PTPRR: variants seen among roughly 807,000 people sequenced by gnomAD.
PTPRR encodes receptor-type tyrosine-protein phosphatase R.
Under a neutral mutation model 77.2 loss-of-function variants are expected in PTPRR, and 38 were observed. That is an observed-to-expected ratio of 0.49 (90% CI 0.38 to 0.65). PTPRR has a LOEUF of 0.65. Ranked by LOEUF, PTPRR falls within the 30% of genes least tolerant of loss-of-function variation. The pLI, the probability that PTPRR is intolerant of heterozygous loss-of-function variation, is 0.00. For missense variants in PTPRR, 744 were observed against 799.2 expected (o/e 0.93, Z 0.83); for synonymous variants, 299 against 283.1 (o/e 1.06, Z -0.57).
At position 70,639,427 on chromosome 12, in the gene PTPRR, C is replaced by G. The variant is rs181491114; in HGVS notation, c.1881-150G>C. ...TTTTGTTATCCCTCTTACCTGTGTC[C>G]AAATGTCTCAACTATCAAAGTTAAC... On this transcript the variant is annotated intron_variant, in intron 13 of 13. Transcript: ENST00000283228. The G allele has an allele frequency of 2.3e-5, 32 of 1,377,006 alleles. No individual in the cohort carries two copies. In the East Asian group the frequency reaches 6.9e-4, roughly 30 times the overall value. The allele number at this position is 1,377,006 out of a possible 1,614,324, so 85.3% of individuals were successfully genotyped here.
chr12:70,646,270 A>C (rs1205727350), intron 13 of PTPRR, among the ~76,000 whole-genome samples: 1 of 152,082 alleles, frequency 6.6e-6, no homozygotes, highest in East Asian at 1.9e-4. Context: ...TGGACAGAGG[A>C]TTTCCCATGG....
rs17814440 is a variant in PTPRR at position 70,705,471 on chromosome 12, G to A, written c.1008-4148C>T. Among the ~76,000 whole-genome samples, 971 of 151,398 alleles carry A rather than the reference G, an allele frequency of 6.4e-3. 7 individuals are homozygous for A. The highest frequency in any genetic ancestry group is 0.011 in the South Asian group (52 of 4,760). On this transcript the variant is annotated intron_variant, in intron 6 of 13. Transcript: ENST00000283228. ...GTCACTGAGAACAGTGAGACTTCAA[G>A]CAGTATACCTCATTTAGCAACCAAT...
chr12:70,765,050 C>G (rs190551963), intron 2 of PTPRR, among the ~76,000 whole-genome samples: 2 of 152,274 alleles, frequency 1.3e-5, no homozygotes, highest in African/African-American at 2.4e-5. Context: ...CAAATAGGAA[C>G]AGCTCCAGTC....
chr12:70,689,101 G>A (rs78999542), intron 8 of PTPRR, among the ~76,000 whole-genome samples: 9,381 of 151,882 alleles, frequency 0.062, 456 homozygotes, highest in East Asian at 0.14. Context: ...AGGTTCTGGC[G>A]ATCTATTATA....
At chr12:70,717,098 T>A (rs549716482) in intron 6 of PTPRR, among the ~76,000 whole-genome samples, 5 of 152,356 alleles carry the variant, frequency 3.3e-5, no homozygotes, top group Non-Finnish European at 5.9e-5. Flanking sequence ...TAACATACTA[T>A]TCTTCCTCAG....
intron 2 of PTPRR, among the ~76,000 whole-genome samples, chr12:70,806,266 TAGAGAG>T (rs368163026): frequency 6.6e-6 from 1 of 151,700 alleles, no homozygotes; most frequent in Non-Finnish European, 1.5e-5. Context: ...AGACAGACTC[TAGAGAG>T]AGAGAGAGAA....
chr12:70,683,825 G>A (rs1887760906), intron 10 of PTPRR, among the ~76,000 whole-genome samples: 2 of 151,994 alleles, frequency 1.3e-5, no homozygotes, highest in Admixed American at 1.3e-4. Context: ...AAATGACTTG[G>A]GTGTGAATGA....
At position 70,745,884 on chromosome 12, in the gene PTPRR, T is replaced by G; in HGVS notation, c.941A>C (p.Lys314Thr). The change falls in exon 6 of 14, where the codon AAA (lysine) becomes ACA (threonine). Residue 314 changes from lysine to threonine, a missense_variant. Physicochemically the swap from Lys to Thr is moderately conservative, Grantham distance 78 (BLOSUM62 -1). Coordinates refer to ENST00000283228, the MANE Select transcript of PTPRR (RefSeq NM_002849.4). ...GCAAACAGAGGTAGCGGTGGTAGCT[T>G]TGATCTCAGGAGCACCTCGGCCTTG... ...DPQGRGAPEI[K>T]ATTATSVCPS... 1.2e-6 allele frequency: 2 copies of G among 1,613,764 alleles called. No individual in the cohort carries two copies. The highest frequency in any genetic ancestry group is 1.7e-6 in the Non-Finnish European group (2 of 1,179,930).
intron 2 of PTPRR, among the ~76,000 whole-genome samples, chr12:70,843,807 AATTTTTT>A (rs1399007334): frequency 2.7e-5 from 4 of 146,554 alleles, no homozygotes; most frequent in Admixed American, 6.7e-5. Flanking sequence ...TGTTGCTGAA[AATTTTTT>A]TTTTTTTTTT....
chr12:70,664,850 A>T (rs1352019819), intron 10 of PTPRR, among the ~76,000 whole-genome samples: 1 of 152,176 alleles, frequency 6.6e-6, no homozygotes, highest in Non-Finnish European at 1.5e-5. Flanking sequence ...CACACTGAAT[A>T]CATTTTTCCC....
In PTPRR at chr12:70,764,857, T is replaced by A. The variant is rs1051708069; in HGVS notation, c.358-79A>T. On this transcript the variant is annotated intron_variant, in intron 2 of 13. Transcript: ENST00000283228. ...GTATAGAATACATCCAAATAAGTAT[T>A]AATAAGTTCACGACATTCAGTTCTT... 3.8e-6 allele frequency: 4 copies of A among 1,066,528 alleles called. No individual in the cohort carries two copies. The African/African-American group carries it at 4.7e-5, about 13-fold the overall frequency. 66.1% of individuals were successfully genotyped at this position (1,066,528 alleles called of 1,614,324 possible). A position where few individuals can be genotyped will look rare whatever the true frequency, so the allele number is the denominator to read the frequency against.
chr12:70,872,579 C>T (rs992649958), intron 2 of PTPRR, among the ~76,000 whole-genome samples: 1 of 151,036 alleles, frequency 6.6e-6, no homozygotes. Flanking sequence ...GCCTGTAGTC[C>T]CAGCTACTCG....
rs181307220 is a variant in PTPRR, at chr12:70,701,629, A to T, written c.1008-306T>A. Among the ~76,000 whole-genome samples, 450 of 152,260 alleles carry T rather than the reference A, an allele frequency of 3.0e-3. 3 individuals carry two copies. The highest frequency in any genetic ancestry group is 4.0e-3 in the Non-Finnish European group (275 of 68,022). ...TAAGTGAAAAATTAAGTAAAAAAAA[A>T]TTAGGAAAAGCTATATCTATATCTA... On this transcript the variant is annotated intron_variant, in intron 6 of 13. Coordinates refer to ENST00000283228, the MANE Select transcript of PTPRR (RefSeq NM_002849.4).
At chr12:70,863,517 T>C (rs3924714) in intron 2 of PTPRR, among the ~76,000 whole-genome samples, 103,757 of 151,964 alleles carry the variant, frequency 0.68, 36,675 homozygotes, top group African/African-American at 0.87. Flanking sequence ...AGATTATACC[T>C]ACTTTGAAGG....
intron 2 of PTPRR, among the ~76,000 whole-genome samples, chr12:70,803,209 G>A (rs7962633): frequency 3.3e-5 from 5 of 151,958 alleles, no homozygotes; most frequent in Non-Finnish European, 7.4e-5. Flanking sequence ...GAAGCGCTCC[G>A]GGGGGCATAA....
At chr12:70,643,448 T>C (rs535283741) in intron 13 of PTPRR, among the ~76,000 whole-genome samples, 1 of 152,202 alleles carries the variant, frequency 6.6e-6, no homozygotes, top group Admixed American at 6.5e-5. Flanking sequence ...GTGCTGGGAT[T>C]ACAGGCATGA....
intron 2 of PTPRR, among the ~76,000 whole-genome samples, chr12:70,807,408 C>G (rs999099774): frequency 2.6e-5 from 4 of 152,176 alleles, no homozygotes; most frequent in Non-Finnish European, 5.9e-5. Context: ...CTATAGTCAT[C>G]ATGTCATACA....
At chr12:70,748,737 C>T (rs1448937797) in intron 5 of PTPRR, among the ~76,000 whole-genome samples, 1 of 152,146 alleles carries the variant, frequency 6.6e-6, no homozygotes, top group Non-Finnish European at 1.5e-5. Context: ...AACATTCTGT[C>T]AAATGTGTTC....
chr12:70,639,421 T>A (rs1885913887), intron 13 of PTPRR, 144 bp from the exon 14 acceptor site: 3 of 1,369,774 alleles, frequency 2.2e-6, no homozygotes, highest in Non-Finnish European at 2.9e-6. Flanking sequence ...CCCTCTTACC[T>A]GTGTCCAAAT....
Sources: gnomAD v4.1 joint callset for allele counts (sites outside exome capture counted in the v4.1 genomes callset) on GRCh38, gnomAD v4.1.1 for gene constraint, MANE v1.5 for transcripts, NCBI Gene and HGNC (gene_info 2026-07-23, HGNC 2026-07-21) for gene names.